PCNT: variants seen among roughly 807,000 people sequenced by gnomAD.
PCNT encodes kendrin.
PCNT carries 319 observed loss-of-function variants against 380.4 expected under a neutral mutation model. The observed-to-expected ratio is 0.84, with a 90% CI of 0.77 to 0.92. The LOEUF (loss-of-function observed/expected upper bound fraction) is 0.92. PCNT is among the 40% of genes least tolerant of loss of function. The probability of loss-of-function intolerance (pLI) is 0.00; values close to 1 mark genes in which losing one functional copy is unlikely to be tolerated. For missense variants in PCNT, 4,400 were observed against 4,255.3 expected, an observed-to-expected ratio of 1.03 and a Z score of -0.95; for synonymous variants, 1,845 against 1,735.2, an observed-to-expected ratio of 1.06 and a Z score of -1.57.
At chr21:46,414,563 C>G (rs1314581679) in intron 29 of PCNT, among the ~76,000 whole-genome samples, 1 of 144,304 alleles carries the variant, frequency 6.9e-6, no homozygotes, top group Non-Finnish European at 1.5e-5. Flanking sequence ...ATGCAGCCGC[C>G]CACCCTCCTC....
At position 46,440,140 on chromosome 21, in the gene PCNT, C is replaced by T. The variant is rs1007600831; in HGVS notation, c.9331C>T (p.Arg3111Cys). The change falls in exon 42 of 47, where the codon CGC becomes TGC. Residue 3111 changes from arginine (R) to cysteine (C), a missense_variant. By Grantham distance (180) the Arg-to-Cys change is radical. Coordinates refer to ENST00000359568, the MANE Select transcript of PCNT (RefSeq NM_006031.6). ...DETAPQSSLRRPDPGRLPPAA... is the reference protein window; with the variant it reads ...DETAPQSSLRCPDPGRLPPAA... ...AACGGCTCCACAGAGTTCCCTGAGG[C>T]GCCCAGACCCCGGCCGGCTTCCACC... 1.2e-5 allele frequency: 20 copies of T among 1,613,884 alleles called. No homozygotes were observed. Among genetic ancestry groups the T allele is most frequent in the African/African-American group, 9.3e-5 (7 of 74,922 alleles).
At position 46,364,456 on chromosome 21, in the gene PCNT, A is replaced by C. The variant is rs112977931; in HGVS notation, c.2609+522A>C. Among the ~76,000 whole-genome samples, 854 of 152,352 alleles carry C rather than the reference A, an allele frequency of 5.6e-3. 5 individuals are homozygous for C. The highest frequency in any genetic ancestry group is 0.01 in the Non-Finnish European group (685 of 68,036). ...TGGGTGTCAGGGGCGGGGATCAGTC[A>C]TTGTCTCTGTTGTTCTTCGTGTGTT... is the stretch of plus-strand genomic sequence containing the variant. On this transcript the variant is annotated intron_variant, in intron 14 of 46. Transcript: ENST00000359568.
In PCNT at chr21:46,363,733, A is replaced by G; in HGVS notation, c.2408A>G (p.Gln803Arg). The change falls in exon 14 of 47, where the codon CAG (glutamine) becomes CGG (arginine). Residue 803 changes from glutamine to arginine, a missense_variant. By Grantham distance (43) the Gln-to-Arg change is conservative (BLOSUM62 1). Transcript: ENST00000359568. ...EAEMRQLQDQ[Q>R]AAQILDLERS... ...GAAATGAGGCAGCTTCAGGACCAAC[A>G]GGCAGCCCAGATCCTGGATCTGGAG... 1 of 1,614,238 alleles carries G rather than the reference A, an allele frequency of 6.2e-7. No individual in the cohort carries two copies. Among genetic ancestry groups the G allele is most frequent in the Non-Finnish European group, 8.5e-7 (1 of 1,180,032 alleles).
At chr21:46,444,885 T>G (rs2148142970) in intron 46 of PCNT, 64 bp downstream of exon 46, 1 of 1,525,760 alleles carries the variant, frequency 6.6e-7, no homozygotes, top group Non-Finnish European at 9.1e-7. Context: ...AAACGTAGGG[T>G]CTGTTGAAAG....
chr21:46,364,622 CTCT>C (rs1447863146), intron 14 of PCNT, among the ~76,000 whole-genome samples: 1 of 152,332 alleles, frequency 6.6e-6, no homozygotes, highest in African/African-American at 2.4e-5. Flanking sequence ...AACATACACA[CTCT>C]TCTTTGAAGT....
chr21:46,412,884 C>G lies in PCNT; in HGVS notation c.6042C>G (p.Cys2014Trp), dbSNP rs773675855. The change falls in exon 29 of 47, where the codon TGC (cysteine) becomes TGG (tryptophan). Residue 2014 changes from cysteine to tryptophan, a missense_variant. Transcript: ENST00000359568. ...VLVTLKDAPL[C>W]KQEGVMSVLT... The stretch of plus-strand genomic sequence containing the variant: ...TGACGTTGAAGGATGCACCTCTCTG[C>G]AAGCAAGAAGGCGTGATGTCAGTGC... 1.2e-6 allele frequency: 2 copies of G among 1,612,880 alleles called. No individual in the cohort carries two copies. The highest frequency in any genetic ancestry group is 2.2e-5 in the South Asian group (2 of 91,082).
In PCNT at chr21:46,325,057, G is replaced by A. The variant is rs1001164278; in HGVS notation, c.54+775G>A. ...AGGGACGCGCTCCCGTCTTTCTCCC[G>A]CCCCGGGTTTCTCCGTGAAAAAGCG... On this transcript the variant is annotated intron_variant, in intron 1 of 46. Coordinates refer to ENST00000359568, the MANE Select transcript of PCNT (RefSeq NM_006031.6). 33 of 985,480 alleles carry A rather than the reference G, an allele frequency of 3.3e-5. No homozygotes were observed. In the African/African-American group the frequency reaches 5.6e-4, roughly 17 times the overall value. 61.0% of individuals were successfully genotyped at this position (985,480 alleles called of 1,614,324 possible).
At chr21:46,432,404 TGTGAGTTCTCC>T (rs1437077989) in intron 38 of PCNT, among the ~76,000 whole-genome samples, 189 bp downstream of exon 38, 1 of 152,222 alleles carries the variant, frequency 6.6e-6, no homozygotes, top group Non-Finnish European at 1.5e-5. Flanking sequence ...AATCAGGAAG[TGTGAGTTCTCC>T]AACTTCGTTC....
Position 46,381,977 on chromosome 21 carries a change from G to A in PCNT, c.3312+137G>A, listed in dbSNP as rs1446638302. Reference sequence around the variant, plus strand: ...TTTATAGTGTTGTACATTCAGTGGCGGAAGCGCATTCACAGTGTTGTAGAT... The same window carrying A: ...TTTATAGTGTTGTACATTCAGTGGCAGAAGCGCATTCACAGTGTTGTAGAT... On this transcript the variant is annotated intron_variant, in intron 16 of 46. Coordinates refer to ENST00000359568, the MANE Select transcript of PCNT (RefSeq NM_006031.6). 2.1e-5 allele frequency: 18 copies of A among 863,324 alleles called. 1 individual carries two copies. Among genetic ancestry groups the A allele is most frequent in the African/African-American group, 3.4e-5 (2 of 58,684 alleles). The allele number at this position is 863,324 out of a possible 1,614,324, so 53.5% of individuals were successfully genotyped here.
At chr21:46,404,614 T>C (rs562637079) in intron 27 of PCNT, among the ~76,000 whole-genome samples, 1 of 152,224 alleles carries the variant, frequency 6.6e-6, no homozygotes, top group Non-Finnish European at 1.5e-5. Flanking sequence ...AGGATGACAG[T>C]CTTCTGTTTC....
chr21:46,332,683 T>C (rs896442405), intron 2 of PCNT, among the ~76,000 whole-genome samples: 1 of 152,242 alleles, frequency 6.6e-6, no homozygotes, highest in East Asian at 1.9e-4. Context: ...AGTTTTGCCA[T>C]CATCATTGGC....
chr21:46,436,956 T>G (rs758196520), intron 39 of PCNT, 23 bp from the exon 40 acceptor site: 2 of 1,562,264 alleles, frequency 1.3e-6, no homozygotes, highest in Non-Finnish European at 1.8e-6. Context: ...TATGCAACTT[T>G]GAGTGCCCAT....
rs139345424 is a variant in PCNT, at chr21:46,367,118, C to G, written c.3144C>G (p.His1048Gln). 1 of 1,613,048 alleles carries G rather than the reference C, an allele frequency of 6.2e-7. No homozygotes were observed. Among genetic ancestry groups the G allele is most frequent in the Non-Finnish European group, 8.5e-7 (1 of 1,179,990 alleles). ...CAGAGCTCGCCGGAACCGTGGCTCA[C>G]GAGCTGCAGGGAGTGCACCAGGTAA... Reference protein sequence around the residue: ...VSTELAGTVAHELQGVHQGEF... With the variant: ...VSTELAGTVAQELQGVHQGEF... Residue 1048 changes from histidine (H) to glutamine (Q), a missense_variant, in exon 15 of 47, where the codon CAC becomes CAG. By Grantham distance (24) the His-to-Gln change is conservative. Coordinates refer to ENST00000359568, the MANE Select transcript of PCNT (RefSeq NM_006031.6).
At chr21:46,429,486 T>C (rs1876799585) in intron 35 of PCNT, among the ~76,000 whole-genome samples, 1 of 122,600 alleles carries the variant, frequency 8.2e-6, no homozygotes, top group African/African-American at 3.2e-5. Flanking sequence ...GTGAGGGGCA[T>C]GGGGGTGGTG....
intron 19 of PCNT, among the ~76,000 whole-genome samples, chr21:46,390,396 C>T (rs1186884489): frequency 6.6e-6 from 1 of 152,138 alleles, no homozygotes; most frequent in East Asian, 1.9e-4. Flanking sequence ...CCTGGGAGCC[C>T]CAGACTGGAC....
intron 6 of PCNT, 83 bp downstream of exon 6, chr21:46,347,595 C>A: frequency 1.6e-6 from 2 of 1,275,236 alleles, no homozygotes; most frequent in East Asian, 2.3e-5. Context: ...ACGCTCCTCA[C>A]CTTGATTCAG....
At chr21:46,415,597 G>C (rs2877144) in intron 29 of PCNT, among the ~76,000 whole-genome samples, 26,785 of 151,512 alleles carry the variant, frequency 0.18, 4,368 homozygotes, top group African/African-American at 0.43. Context: ...TTTGGCCAGG[G>C]TGGTCTCGAA....
At position 46,428,392 on chromosome 21, in the gene PCNT, C is replaced by G. The variant is rs1392500282; in HGVS notation, c.7495-3C>G. Reference sequence around the variant, plus strand: ...CAGGCTGCTTGTCCCATTGTGCCCCCAGGGAGACCTGCAGGAAAAGTCCCT... The same window carrying G: ...CAGGCTGCTTGTCCCATTGTGCCCCGAGGGAGACCTGCAGGAAAAGTCCCT... On this transcript the variant is annotated splice_polypyrimidine_tract_variant and splice_region_variant and intron_variant, in intron 34 of 46. Coordinates refer to ENST00000359568, the MANE Select transcript of PCNT (RefSeq NM_006031.6). 37 of 1,611,680 alleles carry G rather than the reference C, an allele frequency of 2.3e-5. No homozygotes were observed. The highest frequency in any genetic ancestry group is 2.9e-5 in the Non-Finnish European group (34 of 1,179,552).
intron 31 of PCNT, among the ~76,000 whole-genome samples, chr21:46,419,382 T>C (rs1322232516): frequency 2.6e-5 from 4 of 152,204 alleles, no homozygotes; most frequent in Non-Finnish European, 5.9e-5. Flanking sequence ...CATTCAACTC[T>C]CAGAAATGTC....
Sources: gnomAD v4.1 joint callset for allele counts (sites outside exome capture counted in the v4.1 genomes callset) on GRCh38, gnomAD v4.1.1 for gene constraint, MANE v1.5 for transcripts, NCBI Gene and HGNC (gene_info 2026-07-23, HGNC 2026-07-21) for gene names.